Variants in ANOS1 observed in about 807,000 individuals in gnomAD.
The protein encoded by ANOS1 is anosmin 1.
In ANOS1, 6 loss-of-function variants were observed where a neutral mutation model predicts 59.0. The ratio of observed to expected loss-of-function variants is 0.10; its 90% confidence interval spans 0.06 to 0.20. ANOS1 has a LOEUF of 0.20. ANOS1 is among the 10% of genes least tolerant of loss of function. The pLI is 1.00. For synonymous variants in ANOS1, 217 were observed against 223.4 expected, an observed-to-expected ratio of 0.97 and a Z score of 0.25; for missense variants, 433 against 542.3, an observed-to-expected ratio of 0.80 and a Z score of 2.00.
chrX:8,540,637 G>C (rs1439062506), intron 9 of ANOS1, among the ~76,000 whole-genome samples: 1 of 108,988 alleles, frequency 9.2e-6, no homozygotes, highest in African/African-American at 3.4e-5. Context: ...GCACCAAATG[G>C]CACCATTTTG....
At chrX:8,675,578 A>G (rs892091193) in intron 2 of ANOS1, among the ~76,000 whole-genome samples, 1 of 111,886 alleles carries the variant, frequency 8.9e-6, no homozygotes, top group Non-Finnish European at 1.9e-5. Context: ...ATATTTAAAT[A>G]TAAGAAGACC....
chrX:8,668,394 C>CATATAT (rs202229567), intron 2 of ANOS1, among the ~76,000 whole-genome samples: 1,903 of 51,225 alleles, frequency 0.037, 67 homozygotes, highest in Non-Finnish European at 0.052. Context: ...AGTATTCCAT[C>CATATAT]ATATATATAT....
chrX:8,636,400 T>C (rs1206442793), intron 2 of ANOS1, among the ~76,000 whole-genome samples: 1 of 112,196 alleles, frequency 8.9e-6, no homozygotes, highest in African/African-American at 3.2e-5. Flanking sequence ...CTGTCTTATT[T>C]ATAATATCTG....
intron 1 of ANOS1, among the ~76,000 whole-genome samples, chrX:8,719,148 AG>A (rs2067520369): frequency 8.9e-6 from 1 of 111,766 alleles, no homozygotes; most frequent in South Asian, 3.8e-4. Flanking sequence ...TGTCAATATA[AG>A]CTGTGTATTC....
In ANOS1 at chrX:8,568,287, C is replaced by T. The variant is rs772393710; in HGVS notation, c.1152G>A (p.Arg384=). 2.5e-6 allele frequency: 3 copies of T among 1,209,407 alleles called. No individual in the cohort carries two copies. The highest frequency in any genetic ancestry group is 2.2e-5 in the Admixed American group (1 of 45,989). The stretch of plus-strand genomic sequence containing the variant: ...GAAGGGACACCTTTGCACTCTTCAG[C>T]CGTGTCTGTCCCCAGTACGTTATGG... ...LQAITYWGQT[R]LKSAKVSLHF... Residue 384 remains arginine, a synonymous_variant, in exon 8 of 14, where the codon CGG becomes CGA. Coordinates refer to ENST00000262648, the MANE Select transcript of ANOS1 (RefSeq NM_000216.4).
intron 2 of ANOS1, among the ~76,000 whole-genome samples, chrX:8,672,095 A>T (rs1196543019): frequency 2.7e-5 from 3 of 111,304 alleles, no homozygotes; most frequent in African/African-American, 6.6e-5. Context: ...AAATTTCATT[A>T]AAAAATCTCT....
At chrX:8,726,081 G>C (rs1214096220) in intron 1 of ANOS1, among the ~76,000 whole-genome samples, 1 of 110,640 alleles carries the variant, frequency 9.0e-6, no homozygotes, top group Non-Finnish European at 1.9e-5. Context: ...ACTCAGCACA[G>C]AGCAAAGGGA....
intron 7 of ANOS1, 112 bp from the exon 8 acceptor site, chrX:8,568,488 A>C: frequency 1.4e-6 from 1 of 727,754 alleles, no homozygotes; most frequent in Non-Finnish European, 2.1e-6. Context: ...GATTTCTTTT[A>C]CCAACTTTTC....
intron 7 of ANOS1, among the ~76,000 whole-genome samples, chrX:8,569,628 C>A (rs970951175): frequency 9.0e-6 from 1 of 111,444 alleles, no homozygotes; most frequent in African/African-American, 3.3e-5. Flanking sequence ...AGAGACAGAG[C>A]GAGACTCCCT....
chrX:8,600,823 C>T (rs1282351227), intron 3 of ANOS1, among the ~76,000 whole-genome samples: 1 of 112,286 alleles, frequency 8.9e-6, no homozygotes, highest in East Asian at 2.8e-4. Context: ...ATATACATTA[C>T]ACACACTGAA....
chrX:8,536,733 T>G (rs1295647240), intron 11 of ANOS1, 38 bp downstream of exon 11: 10 of 1,141,081 alleles, frequency 8.8e-6, no homozygotes, highest in Non-Finnish European at 1.2e-5. Flanking sequence ...GCTGACACCG[T>G]AGACCTAGAT....
intron 3 of ANOS1, among the ~76,000 whole-genome samples, chrX:8,619,021 C>T (rs187074770): frequency 0.014 from 1,263 of 90,365 alleles, 8 homozygotes; most frequent in Non-Finnish European, 0.02. Flanking sequence ...TGCAGTGAGC[C>T]GAGATCATGA....
At chrX:8,591,527 A>G (rs933314100) in intron 4 of ANOS1, among the ~76,000 whole-genome samples, 1 of 112,237 alleles carries the variant, frequency 8.9e-6, no homozygotes, top group African/African-American at 3.2e-5. Flanking sequence ...CTTGAATAGC[A>G]TTCAAGGACC....
intron 2 of ANOS1, among the ~76,000 whole-genome samples, chrX:8,646,337 G>GGCGTGCCATCACCTA (rs1569072318): frequency 8.2e-5 from 9 of 110,179 alleles, no homozygotes; most frequent in Admixed American, 6.8e-4. Flanking sequence ...GCCATCACCT[G>GGCGTGCCATCACCTA]TAATAGGCAT....
At chrX:8,663,204 T>G (rs1038776221) in intron 2 of ANOS1, among the ~76,000 whole-genome samples, 28 of 111,683 alleles carry the variant, frequency 2.5e-4, no homozygotes, top group Non-Finnish European at 5.1e-4. Flanking sequence ...AAATTTCTGT[T>G]GTTTAAGCAA....
intron 2 of ANOS1, among the ~76,000 whole-genome samples, chrX:8,626,872 A>G (rs1483524480): frequency 1.8e-5 from 2 of 110,263 alleles, no homozygotes; most frequent in Non-Finnish European, 3.8e-5. Context: ...AAAAAAAAAA[A>G]AAAGAAAAGA....
chrX:8,725,625 GATAT>G (rs745463210), intron 1 of ANOS1, among the ~76,000 whole-genome samples: 2 of 31,085 alleles, frequency 6.4e-5, no homozygotes, highest in South Asian at 2.0e-3. Flanking sequence ...TATATATACA[GATAT>G]ATATATACAG....
intron 2 of ANOS1, among the ~76,000 whole-genome samples, chrX:8,669,049 T>G (rs1444593039): frequency 1.8e-5 from 2 of 112,340 alleles, no homozygotes; most frequent in Admixed American, 9.4e-5. Flanking sequence ...CAAAGCTGTC[T>G]CTCAGTAATT....
At chrX:8,594,220 G>C (rs1930669243) in intron 4 of ANOS1, among the ~76,000 whole-genome samples, 1 of 110,804 alleles carries the variant, frequency 9.0e-6, no homozygotes, top group African/African-American at 3.3e-5. Context: ...ACCTAGCAGA[G>C]ACAGAGAGAG....
Sources: gnomAD v4.1 joint callset for allele counts (sites outside exome capture counted in the v4.1 genomes callset) on GRCh38, gnomAD v4.1.1 for gene constraint, MANE v1.5 for transcripts, NCBI Gene and HGNC (gene_info 2026-07-23, HGNC 2026-07-21) for gene names.